Variants in ING1 observed in about 807,000 individuals in gnomAD.
ING1 encodes inhibitor of growth family member 1, also known as inhibitor of growth protein 1.
In ING1, 4 loss-of-function variants were observed where a neutral mutation model predicts 23.1. The ratio of observed to expected loss-of-function variants is 0.17; its 90% CI spans 0.09 to 0.40. The LOEUF is 0.40. ING1 is among the 10% of genes least tolerant of loss of function. ING1 has a pLI of 1.00. For synonymous variants in ING1, 179 were observed against 166.4 expected, an observed-to-expected ratio of 1.08 and a Z score of -0.58; for missense variants, 256 against 393.8, an observed-to-expected ratio of 0.65 and a Z score of 2.96.
chr13:110,719,123 G>A lies in ING1; in HGVS notation c.137-106G>A, dbSNP rs1594456887. ...GGGCTTTGTTCTGGGCAAGCCGTGC[G>A]CTGGCCCCTAGGCTCCCTGCCAGCC... On this transcript the variant is annotated intron_variant, in intron 1 of 1. Coordinates refer to ENST00000333219, the MANE Select transcript of ING1 (RefSeq NM_198219.3). This position sits in a 1 kb window ranked among gnomAD's most constrained non-coding sequence, Gnocchi z 8.9. 1 of 1,074,522 alleles carries A rather than the reference G, an allele frequency of 9.3e-7. No individual in the cohort carries two copies. The allele number at this position is 1,074,522 out of a possible 1,614,324, so 66.6% of individuals were successfully genotyped here.
chr13:110,713,861 G>C lies in ING1; in HGVS notation c.-289G>C. The C allele has an allele frequency of 1.0e-6, 1 of 981,744 alleles. No homozygotes were observed. Among genetic ancestry groups the C allele is most frequent in the Non-Finnish European group, 1.2e-6 (1 of 828,352 alleles). 60.8% of individuals were successfully genotyped at this position (981,744 alleles called of 1,614,324 possible). A position where few individuals can be genotyped will look rare whatever the true frequency, so the allele number is the denominator to read the frequency against. ...CCGGTGTGTGCGCGCTCGTACGCGC[G>C]GCCCCCGGCGCCAGCCCCGCCGCCT... On this transcript the variant is annotated 5_prime_UTR_variant, in exon 1 of 2. Transcript: ENST00000333219.
intron 1 of ING1, chr13:110,715,147 T>A: frequency 8.7e-7 from 1 of 1,150,542 alleles, no homozygotes; most frequent in Non-Finnish European, 1.1e-6. Flanking sequence ...CGCCGGGAAT[T>A]GTTGGCTGTT....
At chr13:110,715,896 G>T in intron 1 of ING1, 1 of 1,586,370 alleles carries the variant, frequency 6.3e-7, no homozygotes. Context: ...TGTGGGCTCG[G>T]GGCCGGGGCT....
At position 110,722,676 on chromosome 13, in the gene ING1, T is replaced by C. The variant is rs2064179101; in HGVS notation, c.*2744T>C. On this transcript the variant is annotated 3_prime_UTR_variant, in exon 2 of 2. Coordinates refer to ENST00000333219, the MANE Select transcript of ING1 (RefSeq NM_198219.3). ...CCAATAAATAAATGCACTGGCATAT[T>C]CAAATGTTGGATAATTTTTCTCTAG... is the stretch of plus-strand genomic sequence containing the variant. The C allele has an allele frequency of 6.6e-6, 1 of 152,240 alleles. No homozygotes were observed. Among genetic ancestry groups the C allele is most frequent in the Non-Finnish European group, 1.5e-5 (1 of 68,042 alleles). The allele number at this position is 152,240 out of a possible 1,614,324, so 9.4% of individuals were successfully genotyped here.
upstream of ING1, chr13:110,712,691 G>C (rs769229308): frequency 5.3e-5 from 36 of 673,924 alleles, no homozygotes; most frequent in South Asian, 6.0e-5. Context: ...CCGGCCGACC[G>C]GGTGTCTGCA....
At chr13:110,714,574 AG>A (rs1263340741) in intron 1 of ING1, among the ~76,000 whole-genome samples, 1 of 55,996 alleles carries the variant, frequency 1.8e-5, no homozygotes, top group East Asian at 4.5e-4. Context: ...GCTGCGGGGG[AG>A]GGGGCGGCGG....
upstream of ING1, chr13:110,713,607 GGGGGGCGGGGCCGTTGCC>G (rs1566376728): frequency 1.0e-6 from 1 of 985,244 alleles, no homozygotes; most frequent in Non-Finnish European, 1.2e-6. Context: ...TGAATGCGGC[GGGGGGCGGGGCCGTTGCC>G]GGGGGAGGGG....
At chr13:110,716,135 G>T in intron 1 of ING1, 1 of 973,348 alleles carries the variant, frequency 1.0e-6, no homozygotes, top group Non-Finnish European at 1.4e-6. Flanking sequence ...GAAGGCAGGG[G>T]CTGAGACCAC....
At chr13:110,713,283 T>C (rs1223814236), upstream of ING1, 37 of 1,282,672 alleles carry the variant, frequency 2.9e-5, no homozygotes, top group Admixed American at 1.4e-3. Flanking sequence ...GAGGAGCGAG[T>C]TGCGGTAGTT....
rs138733036 is a variant in ING1 at position 110,718,694 on chromosome 13, T to C, written c.137-535T>C. Among the ~76,000 whole-genome samples, 3 of 152,098 alleles carry C rather than the reference T, an allele frequency of 2.0e-5. No individual in the cohort carries two copies. The East Asian group carries it at 5.8e-4, about 29-fold the overall frequency. On this transcript the variant is annotated intron_variant, in intron 1 of 1. Coordinates refer to ENST00000333219, the MANE Select transcript of ING1 (RefSeq NM_198219.3). ...AAAATAAAGAAAATAAAGACCTTTT[T>C]TATTTGAAATATTCAAATAATTTAT... is the stretch of plus-strand genomic sequence containing the variant.
intron 1 of ING1, chr13:110,715,021 G>C (rs940682717): frequency 1.7e-5 from 17 of 996,556 alleles, no homozygotes; most frequent in East Asian, 1.1e-4. Flanking sequence ...CTGCGCTCGG[G>C]GGGGCGCGGG....
chr13:110,713,867 C>G lies in ING1; in HGVS notation c.-283C>G. The G allele has an allele frequency of 2.0e-6, 2 of 981,588 alleles. No homozygotes were observed. The highest frequency in any genetic ancestry group is 1.2e-6 in the Non-Finnish European group (1 of 828,316). 60.8% of individuals were successfully genotyped at this position (981,588 alleles called of 1,614,324 possible). ...TGTGCGCGCTCGTACGCGCGGCCCCCGGCGCCAGCCCCGCCGCCTGAGAGG... is the reference window on the plus strand; with the variant it reads ...TGTGCGCGCTCGTACGCGCGGCCCCGGGCGCCAGCCCCGCCGCCTGAGAGG... On this transcript the variant is annotated 5_prime_UTR_variant, in exon 1 of 2. Coordinates refer to ENST00000333219, the MANE Select transcript of ING1 (RefSeq NM_198219.3).
chr13:110,715,304 T>TCCCCGAAAGTACTAGACG (rs2064101797), intron 1 of ING1: 19 of 1,393,512 alleles, frequency 1.4e-5, no homozygotes, highest in Non-Finnish European at 1.7e-5. Flanking sequence ...TTGACCGCTA[T>TCCCCGAAAGTACTAGACG]CCCCGAAAGT....
chr13:110,714,887 A>T (rs1594451902), intron 1 of ING1: 1 of 736,346 alleles, frequency 1.4e-6, no homozygotes. Context: ...GACACCGAGT[A>T]GGGGCCGACT....
rs952509045 is a variant in ING1 at position 110,722,293 on chromosome 13, A to G, written c.*2361A>G. 4 of 152,266 alleles carry G rather than the reference A, an allele frequency of 2.6e-5. No homozygotes were observed. The highest frequency in any genetic ancestry group is 9.6e-5 in the African/African-American group (4 of 41,472). The allele number at this position is 152,266 out of a possible 1,614,324, so 9.4% of individuals were successfully genotyped here. A position where few individuals can be genotyped will look rare whatever the true frequency, so the allele number is the denominator to read the frequency against. ...ATTTACCCAAACAAATAGTGAACAA[A>G]AGGTTTATGAAAATAAGTTATGAAA... On this transcript the variant is annotated 3_prime_UTR_variant, in exon 2 of 2. Coordinates refer to ENST00000333219, the MANE Select transcript of ING1 (RefSeq NM_198219.3).
At chr13:110,715,325 T>A (rs766115660) in intron 1 of ING1, 20 of 1,442,050 alleles carry the variant, frequency 1.4e-5, no homozygotes, top group Admixed American at 2.8e-5. Flanking sequence ...ACTAGACGCC[T>A]CTGCCGGGAA....
upstream of ING1, chr13:110,713,137 G>T (rs1338335889): frequency 4.2e-6 from 6 of 1,429,712 alleles, no homozygotes; most frequent in African/African-American, 1.4e-5. Context: ...CATTACTCAC[G>T]GTCTCCCCGC....
At chr13:110,713,062 C>A, upstream of ING1, 2 of 1,453,036 alleles carry the variant, frequency 1.4e-6, no homozygotes, top group East Asian at 2.5e-5. Flanking sequence ...TCCGCCCGTG[C>A]CCGGCCCTCC....
chr13:110,712,954 A>C (rs950489401), upstream of ING1: 1 of 1,559,428 alleles, frequency 6.4e-7, no homozygotes, highest in Non-Finnish European at 8.7e-7. Flanking sequence ...GGCTGCTGGG[A>C]GTGGTGGTCC....
Sources: gnomAD v4.1 joint callset for allele counts (sites outside exome capture counted in the v4.1 genomes callset) on GRCh38, gnomAD v4.1.1 for gene constraint, Gnocchi (gnomAD v3.1) non-coding constraint, MANE v1.5 for transcripts, NCBI Gene and HGNC (gene_info 2026-07-23, HGNC 2026-07-21) for gene names.